ALG1L2: variants seen among roughly 807,000 people sequenced by gnomAD.
ALG1L2 encodes the protein ALG1 chitobiosyldiphosphodolichol beta-mannosyltransferase like 2.
ALG1L2 carries 32 observed loss-of-function variants against 29.0 expected under a neutral mutation model. The ratio of observed to expected loss-of-function variants is 1.10; its 90% CI spans 0.83 to 1.48. The LOEUF is 1.48. Ranked by LOEUF, ALG1L2 falls within the 40% of genes most tolerant of loss-of-function variation. The pLI, the probability that ALG1L2 is intolerant of heterozygous loss-of-function variation, is 0.00. For missense variants in ALG1L2, 318 were observed against 274.1 expected (o/e 1.16, Z -1.13); for synonymous variants, 110 against 109.5 (o/e 1.00, Z -0.03).
Position 130,091,386 on chromosome 3 carries a change from C to G in ALG1L2, c.131+15C>G, listed in dbSNP as rs1308611532. On this transcript the variant is annotated intron_variant, in intron 2 of 7. Coordinates refer to ENST00000425059, the MANE Select transcript of ALG1L2 (RefSeq NM_001136152.1). Reference sequence around the variant, plus strand: ...TTCAGGGCCCGGTAGGCCTCCCACCCTCAGCTGCCTTCTCTCCTGCTCGCC... The same window carrying G: ...TTCAGGGCCCGGTAGGCCTCCCACCGTCAGCTGCCTTCTCTCCTGCTCGCC... The G allele has an allele frequency of 5.6e-6, 9 of 1,593,926 alleles. 1 individual carries two copies. Among genetic ancestry groups the G allele is most frequent in the South Asian group, 2.2e-5 (2 of 90,660 alleles).
chr3:130,095,046 T>A (rs2108123452), intron 5 of ALG1L2, among the ~76,000 whole-genome samples: 1 of 152,306 alleles, frequency 6.6e-6, no homozygotes, highest in East Asian at 1.9e-4. Flanking sequence ...CTCCAGCTAG[T>A]CTTTGTTTTA....
intron 2 of ALG1L2, 108 bp from the exon 3 acceptor site, chr3:130,091,993 G>C (rs1352621842): frequency 6.5e-7 from 1 of 1,547,122 alleles, no homozygotes; most frequent in African/African-American, 1.4e-5. Context: ...ATGCAGCCGG[G>C]CACCCCAACC....
At position 130,092,739 on chromosome 3, in the gene ALG1L2, A is replaced by T. The variant is rs536005753; in HGVS notation, c.254-362A>T. On this transcript the variant is annotated intron_variant, in intron 3 of 7. Transcript: ENST00000425059. ...GACTCTGGCTACTGTTTATTTAAAA[A>T]TTTTTTTCTGAATGGGCATGGTGGC... Among the ~76,000 whole-genome samples, 24 of 152,124 alleles carry T rather than the reference A, an allele frequency of 1.6e-4. 1 individual carries two copies. The highest frequency in any genetic ancestry group is 4.8e-4 in the African/African-American group (20 of 41,476).
chr3:130,094,385 C>T lies in ALG1L2; in HGVS notation c.314-18C>T, dbSNP rs761285035. 1.8e-5 allele frequency: 29 copies of T among 1,590,290 alleles called. No individual in the cohort carries two copies. The highest frequency in any genetic ancestry group is 2.7e-5 in the African/African-American group (2 of 74,740). On this transcript the variant is annotated intron_variant, in intron 4 of 7. Transcript: ENST00000425059. ...GACAGAGACGGGTTCATGGCAGTGT[C>T]TGCTCTTCTCTGTGAAGGCAAAGGG... is the stretch of plus-strand genomic sequence containing the variant.
At chr3:130,086,781 G>C (rs2108115968) in intron 1 of ALG1L2, among the ~76,000 whole-genome samples, 1 of 149,234 alleles carries the variant, frequency 6.7e-6, no homozygotes, top group East Asian at 1.9e-4. Flanking sequence ...ATTTTCAAAA[G>C]CAGCAATGAA....
At chr3:130,086,248 G>C (rs1284222386) in intron 1 of ALG1L2, among the ~76,000 whole-genome samples, 8 of 151,190 alleles carry the variant, frequency 5.3e-5, no homozygotes, top group Non-Finnish European at 3.0e-5. Context: ...CTTTGAAGTA[G>C]GAAGCATCAA....
intron 1 of ALG1L2, among the ~76,000 whole-genome samples, chr3:130,090,096 C>T (rs1934983770): frequency 6.6e-6 from 1 of 152,160 alleles, no homozygotes; most frequent in South Asian, 2.1e-4. Flanking sequence ...TGGCTCATGC[C>T]TGTAATCTCA....
intron 1 of ALG1L2, among the ~76,000 whole-genome samples, chr3:130,084,948 T>TTTTATTTA (rs71155601): frequency 6.5e-5 from 4 of 61,226 alleles, no homozygotes; most frequent in African/African-American, 2.3e-4. Context: ...ATATATATAA[T>TTTTATTTA]TTTATTTATT....
chr3:130,096,197 G>T (rs765958457), intron 6 of ALG1L2, 34 bp downstream of exon 6: 3 of 1,604,836 alleles, frequency 1.9e-6, no homozygotes, highest in Non-Finnish European at 2.6e-6. Flanking sequence ...TCTGGGGATA[G>T]CTTCACAGAT....
intron 4 of ALG1L2, among the ~76,000 whole-genome samples, chr3:130,093,616 G>T (rs1020196267): frequency 4.6e-5 from 7 of 151,964 alleles, no homozygotes; most frequent in African/African-American, 1.7e-4. Flanking sequence ...TAGAAACAGG[G>T]CTTCACCATG....
In ALG1L2 at chr3:130,098,362, T is replaced by G. The variant is rs1935195433; in HGVS notation, c.*107T>G. ...TGTGCTCCCTTTGGTTATGGACACA[T>G]AACTCCTGGGCCAGAGGCTAAAACC... is the stretch of plus-strand genomic sequence containing the variant. On this transcript the variant is annotated 3_prime_UTR_variant, in exon 8 of 8. Coordinates refer to ENST00000425059, the MANE Select transcript of ALG1L2 (RefSeq NM_001136152.1). 6 of 1,596,258 alleles carry G rather than the reference T, an allele frequency of 3.8e-6. No individual in the cohort carries two copies. The South Asian group carries it at 6.6e-5, about 18-fold the overall frequency.
Position 130,096,140 on chromosome 3 carries a change from T to G in ALG1L2, c.516T>G (p.Pro172=). The G allele has an allele frequency of 6.2e-7, 1 of 1,611,958 alleles. No individual in the cohort carries two copies. Among genetic ancestry groups the G allele is most frequent in the South Asian group, 1.1e-5 (1 of 90,986 alleles). ...TGGACATGTTCAGGTGCTGTTTGCCTGCGTGTGCCGTGAACTTCAAGTGGT... is the reference window on the plus strand; with the variant it reads ...TGGACATGTTCAGGTGCTGTTTGCCGGCGTGTGCCGTGAACTTCAAGTGGT... ...KVVDMFRCCL[P]ACAVNFKCLH... The change falls in exon 6 of 8, where the codon CCT becomes CCG. Residue 172 remains proline, a synonymous_variant. Coordinates refer to ENST00000425059, the MANE Select transcript of ALG1L2 (RefSeq NM_001136152.1).
chr3:130,086,055 G>A (rs1413287131), intron 1 of ALG1L2, among the ~76,000 whole-genome samples: 2 of 151,548 alleles, frequency 1.3e-5, no homozygotes, highest in African/African-American at 4.8e-5. Context: ...GCCACCAGGA[G>A]GCCTGAGGTC....
chr3:130,090,010 C>A (rs1462708545), intron 1 of ALG1L2, among the ~76,000 whole-genome samples: 4 of 152,272 alleles, frequency 2.6e-5, no homozygotes, highest in Admixed American at 2.6e-4. Context: ...CCACTGCACT[C>A]CAGCCTGGGG....
intron 1 of ALG1L2, among the ~76,000 whole-genome samples, chr3:130,086,982 GAA>G: frequency 6.6e-6 from 1 of 151,300 alleles, no homozygotes; most frequent in Admixed American, 6.6e-5. Flanking sequence ...CCAGGTTCCA[GAA>G]CCTTCCTTTC....
intron 4 of ALG1L2, 78 bp from the exon 5 acceptor site, chr3:130,094,325 G>A: frequency 1.3e-5 from 20 of 1,525,100 alleles, no homozygotes; most frequent in Non-Finnish European, 1.7e-5. Flanking sequence ...TCCCTCCTAG[G>A]GGGGAGTGTC....
chr3:130,093,110 A>G lies in ALG1L2; in HGVS notation c.263A>G (p.Gln88Arg), dbSNP rs1421845393. The G allele has an allele frequency of 2.5e-6, 4 of 1,610,514 alleles. No homozygotes were observed. ...VSSTSWTEFE[Q>R]LTLDGQNLPS... ...CTTTTTTTAAACACAGAGTTTGAAC[A>G]ACTGACTCTTGACGGACAGAACCTT... is the stretch of plus-strand genomic sequence containing the variant. The change falls in exon 4 of 8, where the codon CAA (glutamine) becomes CGA (arginine). Residue 88 changes from glutamine to arginine, a missense_variant. Gln to Arg is a conservative substitution (Grantham distance 43, BLOSUM62 1). Transcript: ENST00000425059.
chr3:130,093,050 AAAAAT>A, intron 3 of ALG1L2, 46 bp from the exon 4 acceptor site: 6 of 1,459,454 alleles, frequency 4.1e-6, no homozygotes, highest in Non-Finnish European at 4.6e-6. Context: ...AAAAAAAAAA[AAAAAT>A]TAAATCAGAA....
intron 7 of ALG1L2, 59 bp downstream of exon 7, chr3:130,097,309 A>T: frequency 1.3e-6 from 2 of 1,588,388 alleles, no homozygotes; most frequent in South Asian, 2.2e-5. Flanking sequence ...GCACCGAGCC[A>T]TGCTCCCTGA....
Sources: gnomAD v4.1 joint callset for allele counts (sites outside exome capture counted in the v4.1 genomes callset) on GRCh38, gnomAD v4.1.1 for gene constraint, MANE v1.5 for transcripts, NCBI Gene and HGNC (gene_info 2026-07-23, HGNC 2026-07-21) for gene names.